The following GLI3 variants were observed in gnomAD, a reference collection of about 807,000 sequenced individuals.
The protein encoded by GLI3 is transcription activator GLI3.
GLI3 carries 20 observed loss-of-function variants against 100.8 expected under a neutral mutation model. The observed-to-expected ratio is 0.20, with a 90% CI of 0.14 to 0.29. GLI3 has a LOEUF of 0.29. Ranked by LOEUF, GLI3 falls within the 10% of genes least tolerant of loss-of-function variation. GLI3 has a pLI of 1.00. For missense variants in GLI3, 2,040 were observed against 2,128.5 expected, an observed-to-expected ratio of 0.96 and a Z score of 0.82; for synonymous variants, 938 against 860.5, an observed-to-expected ratio of 1.09 and a Z score of -1.58.
At chr7:42,128,779 G>A (rs1786198057) in intron 3 of GLI3, among the ~76,000 whole-genome samples, 1 of 152,056 alleles carries the variant, frequency 6.6e-6, no homozygotes, top group Non-Finnish European at 1.5e-5. Context: ...GGTAGGAATG[G>A]AAGTCCATGG....
At chr7:42,236,751 G>A (rs997324714) in intron 1 of GLI3, among the ~76,000 whole-genome samples, 10 of 152,322 alleles carry the variant, frequency 6.6e-5, no homozygotes, top group African/African-American at 2.4e-4. Context: ...CCGGTCCGCG[G>A]GTCGGACTCT....
intron 6 of GLI3, among the ~76,000 whole-genome samples, chr7:42,043,338 C>T (rs1326027543): frequency 6.6e-6 from 1 of 152,138 alleles, no homozygotes; most frequent in East Asian, 1.9e-4. Context: ...CTTCCCAACT[C>T]CTTAATAAAC....
chr7:42,040,461 G>A (rs1784110836), intron 6 of GLI3, among the ~76,000 whole-genome samples: 1 of 152,170 alleles, frequency 6.6e-6, no homozygotes, highest in Non-Finnish European at 1.5e-5. Flanking sequence ...GTTTATTAAT[G>A]TGCAGGGAAA....
chr7:42,148,132 C>CGT (rs1469536968), intron 3 of GLI3, 94 bp downstream of exon 3: 8 of 1,217,556 alleles, frequency 6.6e-6, no homozygotes, highest in Middle Eastern at 2.8e-4. Flanking sequence ...CTTCATAAAG[C>CGT]GCGCACACAC....
intron 2 of GLI3, among the ~76,000 whole-genome samples, chr7:42,179,748 G>A (rs1448821848): frequency 1.3e-5 from 2 of 152,110 alleles, no homozygotes; most frequent in African/African-American, 2.4e-5. Flanking sequence ...ACGGAGAGGT[G>A]AGGGAGTGGG....
intron 1 of GLI3, among the ~76,000 whole-genome samples, chr7:42,230,058 C>G (rs1788664736): frequency 7.9e-6 from 1 of 126,814 alleles, no homozygotes; most frequent in South Asian, 2.6e-4. Flanking sequence ...CATTTCCTCT[C>G]CCTTCCCTGT....
At chr7:42,242,180 C>T (rs1027415319), upstream of GLI3, among the ~76,000 whole-genome samples, 4 of 152,150 alleles carry the variant, frequency 2.6e-5, no homozygotes, top group South Asian at 2.1e-4. Flanking sequence ...AGCTGGGTAA[C>T]AAGCAGTGGT....
At chr7:42,254,308 G>A (rs2128710818) in intron 1 of GLI3, among the ~76,000 whole-genome samples, 1 of 151,892 alleles carries the variant, frequency 6.6e-6, no homozygotes. Flanking sequence ...ACAGCCTGAA[G>A]CCCAGCATGT....
At chr7:42,023,413 C>G in intron 10 of GLI3, 55 bp downstream of exon 10, 9 of 1,594,910 alleles carry the variant, frequency 5.6e-6, no homozygotes, top group Non-Finnish European at 6.9e-6. Flanking sequence ...AGGCTGACCT[C>G]CCTGGAAAGT....
chr7:42,063,284 T>G (rs1784607921), intron 4 of GLI3, among the ~76,000 whole-genome samples: 1 of 152,170 alleles, frequency 6.6e-6, no homozygotes, highest in Non-Finnish European at 1.5e-5. Flanking sequence ...TTTGACCAAA[T>G]ACATACGTAC....
chr7:42,237,830 TC>T (rs1788849440), upstream of GLI3: 1 of 151,036 alleles, frequency 6.6e-6, no homozygotes, highest in African/African-American at 2.4e-5. Flanking sequence ...CCCCCGCTTC[TC>T]CCGCCCGCCG....
At chr7:42,161,720 T>C (rs1176654658) in intron 2 of GLI3, among the ~76,000 whole-genome samples, 1 of 152,236 alleles carries the variant, frequency 6.6e-6, no homozygotes, top group Non-Finnish European at 1.5e-5. Context: ...GACAATTATA[T>C]GACCTAGTGT....
chr7:42,152,512 T>C (rs2128789353), intron 2 of GLI3: 1 of 706,610 alleles, frequency 1.4e-6, no homozygotes, highest in East Asian at 1.3e-4. Context: ...GAATTAAAAG[T>C]GGTTGGAGCC....
At chr7:42,000,775 A>G (rs1788265247) in intron 10 of GLI3, among the ~76,000 whole-genome samples, 1 of 152,202 alleles carries the variant, frequency 6.6e-6, no homozygotes, top group Non-Finnish European at 1.5e-5. Context: ...TTGAAGACCA[A>G]GGAAACCAAA....
At chr7:41,995,830 A>T (rs891755236) in intron 10 of GLI3, among the ~76,000 whole-genome samples, 2 of 152,190 alleles carry the variant, frequency 1.3e-5, no homozygotes, top group Admixed American at 1.3e-4. Context: ...ACAAACACAC[A>T]CAGTGTACTC....
At chr7:42,244,610 C>G in intron 1 of GLI3, among the ~76,000 whole-genome samples, 1 of 151,614 alleles carries the variant, frequency 6.6e-6, no homozygotes, top group Non-Finnish European at 1.5e-5. Flanking sequence ...ATGGGCCAGG[C>G]AATTAAGGCC....
At chr7:42,085,500 T>C (rs774987526) in intron 3 of GLI3, among the ~76,000 whole-genome samples, 2 of 152,222 alleles carry the variant, frequency 1.3e-5, no homozygotes, top group Non-Finnish European at 2.9e-5. Context: ...TCTTAAGTTC[T>C]ATTATCAAGA....
rs1445693600 is a variant in GLI3, at chr7:41,966,813, G to T, written c.2432-172C>A. Among the ~76,000 whole-genome samples, 1 of 152,060 alleles carries T rather than the reference G, an allele frequency of 6.6e-6. No homozygotes were observed. Among genetic ancestry groups the T allele is most frequent in the African/African-American group, 2.4e-5 (1 of 41,416 alleles). ...CAGCTCTGCAGTGTAGCCCCAACAC[G>T]GCCACAGAGAGCAGTGAGCAAGCAA... On this transcript the variant is annotated intron_variant, in intron 14 of 14. Coordinates refer to ENST00000395925, the MANE Select transcript of GLI3 (RefSeq NM_000168.6). The surrounding 1 kb of genome is among the most constrained non-coding windows in gnomAD (Gnocchi z 5.8).
At chr7:42,053,851 T>C (rs1177053626) in intron 4 of GLI3, among the ~76,000 whole-genome samples, 1 of 152,210 alleles carries the variant, frequency 6.6e-6, no homozygotes, top group Non-Finnish European at 1.5e-5. Flanking sequence ...AATATGCCTG[T>C]GGCCCTCCAA....
Sources: gnomAD v4.1 joint callset for allele counts (sites outside exome capture counted in the v4.1 genomes callset) on GRCh38, gnomAD v4.1.1 for gene constraint, Gnocchi (gnomAD v3.1) non-coding constraint, MANE v1.5 for transcripts, NCBI Gene and HGNC (gene_info 2026-07-23, HGNC 2026-07-21) for gene names.